ZNF839: variants seen among roughly 807,000 people sequenced by gnomAD.
ZNF839 encodes renal carcinoma antigen NY-REN-50.
A neutral mutation model predicts 56.4 loss-of-function variants in ZNF839; 38 were observed. That is an observed-to-expected ratio of 0.67 (90% CI 0.52 to 0.88). ZNF839 has a LOEUF of 0.88. ZNF839 is among the 40% of genes least tolerant of loss of function. The pLI is 0.00. For synonymous variants in ZNF839, 486 were observed against 493.5 expected (o/e 0.98, Z 0.20); for missense variants, 1,091 against 1,177.6 (o/e 0.93, Z 1.08).
upstream of ZNF839, chr14:102,319,704 G>A (rs758125624): frequency 9.8e-5 from 120 of 1,221,520 alleles, no homozygotes; most frequent in Non-Finnish European, 1.1e-4. This position sits in a 1 kb window ranked among gnomAD's most constrained non-coding sequence, Gnocchi z 4.5. Flanking sequence ...CCTCTCCTAG[G>A]TGACGTACAT....
chr14:102,328,375 A>ATATATATATAT (rs1555442800), intron 2 of ZNF839, among the ~76,000 whole-genome samples: 4 of 16,338 alleles, frequency 2.4e-4, no homozygotes, highest in Admixed American at 9.1e-4. Flanking sequence ...AAAAAAAAAA[A>ATATATATATAT]ATATATATAT....
intron 1 of ZNF839, 47 bp from the exon 2 acceptor site, chr14:102,325,938 C>G: frequency 6.4e-7 from 1 of 1,570,854 alleles, no homozygotes; most frequent in Non-Finnish European, 8.6e-7. Context: ...CAGACATGTT[C>G]ATAAGCACAA....
At position 102,326,938 on chromosome 14, in the gene ZNF839, G is replaced by A; in HGVS notation, c.1191+51G>A. 1 of 1,492,276 alleles carries A rather than the reference G, an allele frequency of 6.7e-7. No homozygotes were observed. The highest frequency in any genetic ancestry group is 8.9e-7 in the Non-Finnish European group (1 of 1,120,432). 92.4% of individuals were successfully genotyped at this position (1,492,276 alleles called of 1,614,324 possible). A position where few individuals can be genotyped will look rare whatever the true frequency, so the allele number is the denominator to read the frequency against. Reference sequence around the variant, plus strand: ...CTTTTTATTTGGCCGTTCTCGGATTGCTATAAAGAAATACCTGAGACCAGG... The same window carrying A: ...CTTTTTATTTGGCCGTTCTCGGATTACTATAAAGAAATACCTGAGACCAGG... On this transcript the variant is annotated intron_variant, in intron 2 of 7. Transcript: ENST00000442396. This position sits in a 1 kb window ranked among gnomAD's most constrained non-coding sequence, Gnocchi z 4.3.
chr14:102,338,865 A>G lies in ZNF839; in HGVS notation c.1709A>G (p.His570Arg). ...GAATTCCTACGGAAGAAAGAAATACACCCAGACAACCTTGGACCCAAGCAC... is the reference window on the plus strand; with the variant it reads ...GAATTCCTACGGAAGAAAGAAATACGCCCAGACAACCTTGGACCCAAGCAC... ...ITEFLRKKEI[H>R]PDNLGPKHLS... is the part of the protein sequence containing the mutation. The change falls in exon 6 of 8, where the codon CAC becomes CGC. Residue 570 changes from histidine (H) to arginine (R), a missense_variant. His to Arg is a conservative substitution (Grantham distance 29). Transcript: ENST00000442396. The G allele has an allele frequency of 6.2e-7, 1 of 1,613,976 alleles. No individual in the cohort carries two copies. Among genetic ancestry groups the G allele is most frequent in the African/African-American group, 1.3e-5 (1 of 75,034 alleles).
Position 102,326,149 on chromosome 14 carries a change from C to T in ZNF839, c.453C>T (p.Leu151=). The change falls in exon 2 of 8, where the codon CTC becomes CTT. Residue 151 remains leucine, a synonymous_variant. Coordinates refer to ENST00000442396, the MANE Select transcript of ZNF839 (RefSeq NM_018335.6). The surrounding 1 kb of genome is among the most constrained non-coding windows in gnomAD (Gnocchi z 4.3). ...TCCATATCGCCAGCCCTCAGCTGCT[C>T]AGGGTACAGCCGCTTGTGAGAACCG... ...VGLHIASPQL[L]RVQPLVRTEP... is the part of the protein sequence containing the mutation. 1.2e-6 allele frequency: 2 copies of T among 1,613,878 alleles called. No homozygotes were observed. Among genetic ancestry groups the T allele is most frequent in the Non-Finnish European group, 1.7e-6 (2 of 1,179,836 alleles).
At position 102,320,073 on chromosome 14, in the gene ZNF839, G is replaced by T; in HGVS notation, c.288+20G>T. ...CCCCAGGTGAGGCGTCGGGAGGGAC[G>T]TGGGGAAACTGAGGCCCGAAGGGGG... On this transcript the variant is annotated intron_variant, in intron 1 of 7. Coordinates refer to ENST00000442396, the MANE Select transcript of ZNF839 (RefSeq NM_018335.6). The T allele has an allele frequency of 5.1e-6, 6 of 1,181,294 alleles. No homozygotes were observed. The highest frequency in any genetic ancestry group is 6.3e-6 in the Non-Finnish European group (6 of 955,696). The allele number at this position is 1,181,294 out of a possible 1,614,324, so 73.2% of individuals were successfully genotyped here.
rs1315068369 is a variant in ZNF839, at chr14:102,328,369, AAAAAAAATATATATATATATAT to A, written c.1191+1484_1191+1505del. On this transcript the variant is annotated intron_variant, in intron 2 of 7. Coordinates refer to ENST00000442396, the MANE Select transcript of ZNF839 (RefSeq NM_018335.6). ...AACTCCATCTCAAAAAAAAAAAAAA[AAAAAAAATATATATATATATAT>A]ATATATATATATATATATATGTATA... is the stretch of plus-strand genomic sequence containing the variant. Among the ~76,000 whole-genome samples, 348 of 35,068 alleles carry A rather than the reference AAAAAAAATATATATATATATAT, an allele frequency of 9.9e-3. 2 individuals are homozygous for A. Among genetic ancestry groups the A allele is most frequent in the African/African-American group, 0.033 (327 of 9,868 alleles). 23.0% of individuals were successfully genotyped at this position (35,068 alleles called of 152,430 possible).
At chr14:102,321,019 G>T (rs920396911) in intron 1 of ZNF839, among the ~76,000 whole-genome samples, 1 of 152,218 alleles carries the variant, frequency 6.6e-6, no homozygotes, top group Non-Finnish European at 1.5e-5. Flanking sequence ...GAGTTTTTTT[G>T]ACTGATGTTA....
upstream of ZNF839, chr14:102,317,566 G>A (rs2072933209): frequency 6.6e-6 from 1 of 152,016 alleles, no homozygotes; most frequent in Admixed American, 6.6e-5. Context: ...TTGCGGGGAA[G>A]TCTTGGAGGT....
chr14:102,323,626 GT>G (rs969675083), intron 1 of ZNF839, among the ~76,000 whole-genome samples: 2 of 151,850 alleles, frequency 1.3e-5, no homozygotes, highest in Non-Finnish European at 2.9e-5. Flanking sequence ...CCACCTGCGT[GT>G]TTTTTTTATA....
chr14:102,333,219 G>A (rs958457855), intron 3 of ZNF839, among the ~76,000 whole-genome samples: 1 of 150,404 alleles, frequency 6.6e-6, no homozygotes, highest in African/African-American at 2.5e-5. Flanking sequence ...CCAGCCCTTT[G>A]CAGCTCCTAC....
chr14:102,330,139 G>C (rs982441205), intron 2 of ZNF839, among the ~76,000 whole-genome samples: 3 of 151,994 alleles, frequency 2.0e-5, no homozygotes, highest in Non-Finnish European at 4.4e-5. Flanking sequence ...CAGGTTTTGT[G>C]TATGTAGGAA....
At chr14:102,321,532 C>T (rs955523908) in intron 1 of ZNF839, among the ~76,000 whole-genome samples, 8 of 152,170 alleles carry the variant, frequency 5.3e-5, no homozygotes, top group Non-Finnish European at 8.8e-5. Flanking sequence ...ATAAATTCTA[C>T]CTGCAATAAT....
At chr14:102,322,694 A>AGCTGGGGCTACAAG (rs1239437619) in intron 1 of ZNF839, among the ~76,000 whole-genome samples, 2 of 152,174 alleles carry the variant, frequency 1.3e-5, no homozygotes, top group Non-Finnish European at 2.9e-5. Context: ...CCTCCCGAGT[A>AGCTGGGGCTACAAG]GCTGGGGCTA....
At chr14:102,330,289 A>T (rs1166639416) in intron 2 of ZNF839, among the ~76,000 whole-genome samples, 3 of 151,260 alleles carry the variant, frequency 2.0e-5, no homozygotes. Flanking sequence ...CTGGAGTGCA[A>T]TGGCATGATC....
At chr14:102,333,475 C>G (rs950133316) in intron 3 of ZNF839, among the ~76,000 whole-genome samples, 6 of 152,030 alleles carry the variant, frequency 3.9e-5, no homozygotes, top group African/African-American at 1.4e-4. Flanking sequence ...GTTGTCCAAG[C>G]TGGTCTCGAA....
Position 102,320,069 on chromosome 14 carries a change from G to A in ZNF839, c.288+16G>A, listed in dbSNP as rs1227013112. ...CCCGCCCCAGGTGAGGCGTCGGGAG[G>A]GACGTGGGGAAACTGAGGCCCGAAG... On this transcript the variant is annotated intron_variant, in intron 1 of 7. Coordinates refer to ENST00000442396, the MANE Select transcript of ZNF839 (RefSeq NM_018335.6). 8 of 1,183,482 alleles carry A rather than the reference G, an allele frequency of 6.8e-6. No homozygotes were observed. The highest frequency in any genetic ancestry group is 1.6e-5 in the African/African-American group (1 of 62,506). 73.3% of individuals were successfully genotyped at this position (1,183,482 alleles called of 1,614,324 possible).
rs2073414240 is a variant in ZNF839, at chr14:102,326,450, C to T, written c.754C>T (p.Arg252Trp). ...KSLKVKTRSG[R>W]VSRPPKYKAK... ...GTTAAAAGTAAAGACACGTTCTGGA[C>T]GGGTATCTCGACCTCCCAAATATAA... The change falls in exon 2 of 8, where the codon CGG becomes TGG. Residue 252 changes from arginine to tryptophan, a missense_variant. Physicochemically the swap from Arg to Trp is moderately radical, Grantham distance 101. Around this residue, in one of 3 missense-constraint regions of ZNF839, gnomAD observed 614 missense variants for 629.2 expected, o/e 0.98. Transcript: ENST00000442396. This position sits in a 1 kb window ranked among gnomAD's most constrained non-coding sequence, Gnocchi z 4.3. The T allele has an allele frequency of 1.9e-6, 3 of 1,613,800 alleles. No individual in the cohort carries two copies. The highest frequency in any genetic ancestry group is 2.2e-5 in the East Asian group (1 of 44,894).
chr14:102,336,589 C>G, intron 5 of ZNF839: 2 of 423,718 alleles, frequency 4.7e-6, no homozygotes, highest in South Asian at 3.5e-5. Flanking sequence ...GCCACCACAT[C>G]CGGTCCCCAG....
Sources: gnomAD v4.1 joint callset for allele counts (sites outside exome capture counted in the v4.1 genomes callset) on GRCh38, gnomAD v4.1.1 for gene constraint, gnomAD v4.1.1 regional missense constraint, Gnocchi (gnomAD v3.1) non-coding constraint, MANE v1.5 for transcripts, NCBI Gene and HGNC (gene_info 2026-07-23, HGNC 2026-07-21) for gene names.